The following BAZ2A variants were observed in gnomAD, a reference collection of about 807,000 sequenced individuals.
BAZ2A encodes the protein bromodomain adjacent to zinc finger domain 2A.
BAZ2A carries 34 observed loss-of-function variants against 199.9 expected under a neutral mutation model. The observed-to-expected ratio is 0.17, with a 90% confidence interval of 0.13 to 0.23. BAZ2A has a LOEUF of 0.23. Ranked by LOEUF, BAZ2A falls within the 10% of genes least tolerant of loss-of-function variation. BAZ2A has a pLI of 1.00. For synonymous variants in BAZ2A, 857 were observed against 883.9 expected, an observed-to-expected ratio of 0.97 and a Z score of 0.54; for missense variants, 2,002 against 2,391.1, an observed-to-expected ratio of 0.84 and a Z score of 3.39.
At position 56,595,840 on chromosome 12, in the gene BAZ2A, C is replaced by G. The variant is rs1220268310; in HGVS notation, c.*2778G>C. On this transcript the variant is annotated 3_prime_UTR_variant, in exon 29 of 29. Transcript: ENST00000549884. ...ACAGGAGCCCCTGTTGTTCCCTTGC[C>G]TGTGGTCTCTTAAGCCAGTCATACC... 1 of 152,140 alleles carries G rather than the reference C, an allele frequency of 6.6e-6. No individual in the cohort carries two copies. Among genetic ancestry groups the G allele is most frequent in the East Asian group, 1.9e-4 (1 of 5,174 alleles). The allele number at this position is 152,140 out of a possible 1,614,324, so 9.4% of individuals were successfully genotyped here.
chr12:56,616,196 T>C (rs1160694420), intron 2 of BAZ2A, among the ~76,000 whole-genome samples: 1 of 152,134 alleles, frequency 6.6e-6, no homozygotes, highest in Non-Finnish European at 1.5e-5. Flanking sequence ...CCACCACGCC[T>C]GGCCTTTTTT....
At chr12:56,604,332 A>G in intron 15 of BAZ2A, 41 bp from the exon 16 acceptor site, 1 of 1,567,640 alleles carries the variant, frequency 6.4e-7, no homozygotes, top group Non-Finnish European at 8.7e-7. Flanking sequence ...GCAGCACAAA[A>G]AAAGGGAAAG....
In BAZ2A at chr12:56,597,636, C is replaced by CAACACACACACACACACACA. The variant is rs1565800885; in HGVS notation, c.*981_*982insTGTGTGTGTGTGTGTGTGTT. 1 of 44,970 alleles carries CAACACACACACACACACACA rather than the reference C, an allele frequency of 2.2e-5. No homozygotes were observed. Among genetic ancestry groups the CAACACACACACACACACACA allele is most frequent in the African/African-American group, 1.5e-4 (1 of 6,508 alleles). The allele number at this position is 44,970 out of a possible 1,614,324, so 2.8% of individuals were successfully genotyped here. On this transcript the variant is annotated 3_prime_UTR_variant, in exon 29 of 29. Coordinates refer to ENST00000549884, the MANE Select transcript of BAZ2A (RefSeq NM_001300905.2). The stretch of plus-strand genomic sequence containing the variant: ...ACACACACACAGCGCGCTCTGAGGC[C>CAACACACACACACACACACA]GACACACACACACACACACACACAC...
chr12:56,610,404 A>C lies in BAZ2A; in HGVS notation c.1779+5T>G. 6.2e-7 allele frequency: 1 copy of C among 1,613,156 alleles called. No homozygotes were observed. The highest frequency in any genetic ancestry group is 8.5e-7 in the Non-Finnish European group (1 of 1,179,524). ...AAAGCAGTCCTTTAAAAAAAGCTAC[A>C]TTACCTTGATCACTTCTGGAAATTG... On this transcript the variant is annotated splice_donor_5th_base_variant and intron_variant, in intron 8 of 28. Coordinates refer to ENST00000549884, the MANE Select transcript of BAZ2A (RefSeq NM_001300905.2).
At chr12:56,636,224 C>A (rs1236669729) in exon 1 of BAZ2A, 1 of 1,585,684 alleles carries the variant, frequency 6.3e-7, no homozygotes, top group African/African-American at 1.3e-5. Context: ...CCACCCAGCT[C>A]CTCACTGTCC....
upstream of BAZ2A, chr12:56,635,040 C>A: frequency 1.0e-6 from 1 of 984,252 alleles, no homozygotes. The surrounding 1 kb of genome is among the most constrained non-coding windows in gnomAD (Gnocchi z 4.1). Context: ...AGCCCTGGGC[C>A]GGCGGCGGCG....
At position 56,600,040 on chromosome 12, in the gene BAZ2A, C is replaced by T. The variant is rs775826075; in HGVS notation, c.4949G>A (p.Arg1650Gln). The T allele has an allele frequency of 1.5e-5, 25 of 1,613,936 alleles. No individual in the cohort carries two copies. The highest frequency in any genetic ancestry group is 2.7e-5 in the African/African-American group (2 of 74,934). Residue 1650 changes from arginine to glutamine, a missense_variant, in exon 25 of 29, where the codon CGG becomes CAG. Coordinates refer to ENST00000549884, the MANE Select transcript of BAZ2A (RefSeq NM_001300905.2). ...RVWRQTLERC[R>Q]SAAQVCLCLG... The stretch of plus-strand genomic sequence containing the variant: ...GCACAAGCACACCTGGGCTGCGCTC[C>T]GGCACCGCTCGAGGGTCTGGCGCCA...
Position 56,602,720 on chromosome 12 carries a change from C to G in BAZ2A, c.3417G>C (p.Gly1139=). ...LAGIFVEGTE[G]NLVPEEVIKK... ...TCCCACAGGCACACCTACCTAAGTT[C>G]CCCTCTGTTCCTTCTACAAAGATAC... The change falls in exon 19 of 29, where the codon GGG becomes GGC. Residue 1139 remains glycine (G), a synonymous_variant. Transcript: ENST00000549884. The G allele has an allele frequency of 6.2e-7, 1 of 1,613,004 alleles. No individual in the cohort carries two copies. The highest frequency in any genetic ancestry group is 1.1e-5 in the South Asian group (1 of 91,032).
Position 56,613,228 on chromosome 12 carries a change from C to T in BAZ2A, c.922G>A (p.Val308Met). The change falls in exon 5 of 29, where the codon GTG (valine) becomes ATG (methionine). Residue 308 changes from valine (V) to methionine (M), a missense_variant. Physicochemically the swap from Val to Met is conservative, Grantham distance 21. Around this residue, in one of 6 missense-constraint regions of BAZ2A, gnomAD observed 641 missense variants for 694.5 expected, o/e 0.92. Coordinates refer to ENST00000549884, the MANE Select transcript of BAZ2A (RefSeq NM_001300905.2). ...TCAATACCATATAGTCCTCCACTCA[C>T]TGGCTCTGTTTACAAGGGTAGAAAA... ...EPFNSLAPEP[V>M]SGGLYGIDDT... The T allele has an allele frequency of 1.2e-6, 2 of 1,613,918 alleles. No individual in the cohort carries two copies. The highest frequency in any genetic ancestry group is 1.7e-6 in the Non-Finnish European group (2 of 1,179,808).
At chr12:56,610,630 A>C (rs1187647092) in intron 7 of BAZ2A, 113 bp from the exon 8 acceptor site, 2 of 876,230 alleles carry the variant, frequency 2.3e-6, no homozygotes, top group Admixed American at 2.4e-5. Context: ...GTATCTCTAG[A>C]ACTGCATGCA....
intron 7 of BAZ2A, among the ~76,000 whole-genome samples, chr12:56,610,951 T>G (rs1950540330): frequency 6.6e-6 from 1 of 151,942 alleles, no homozygotes; most frequent in African/African-American, 2.4e-5. Flanking sequence ...ATGCCAGGGT[T>G]TAGTTAGGAA....
At chr12:56,636,422 G>C (rs1951450474), upstream of BAZ2A, 1 of 1,345,610 alleles carries the variant, frequency 7.4e-7, no homozygotes, top group African/African-American at 1.5e-5. Context: ...TTCTCTGGGT[G>C]GAGAGAGGGA....
chr12:56,624,667 CAAGA>C (rs1427400245), intron 1 of BAZ2A, among the ~76,000 whole-genome samples: 2 of 147,196 alleles, frequency 1.4e-5, no homozygotes, highest in African/African-American at 5.0e-5. Context: ...ATAAAAATTT[CAAGA>C]GAGAAGAAAG....
At chr12:56,628,867 T>G (rs1015743601) in intron 1 of BAZ2A, among the ~76,000 whole-genome samples, 1 of 152,136 alleles carries the variant, frequency 6.6e-6, no homozygotes, top group Non-Finnish European at 1.5e-5. Context: ...ATCACTTACA[T>G]AGAGCGTACC....
chr12:56,608,867 C>CTTTTTTT (rs67765071), intron 10 of BAZ2A, among the ~76,000 whole-genome samples: 2 of 69,902 alleles, frequency 2.9e-5, no homozygotes, highest in Non-Finnish European at 4.9e-5. Context: ...CCGTGCCTGG[C>CTTTTTTT]TTTTTTTTTT....
At position 56,603,434 on chromosome 12, in the gene BAZ2A, T is replaced by C. The variant is rs1950243759; in HGVS notation, c.3220-16A>G. On this transcript the variant is annotated splice_polypyrimidine_tract_variant and intron_variant, in intron 17 of 28. Transcript: ENST00000549884. ...TGGCATCAACCTAGGGAGAAACACA[T>C]GGGCATTATGAAAAAGGAGGTTATC... 5.6e-6 allele frequency: 9 copies of C among 1,613,970 alleles called. No homozygotes were observed. Among genetic ancestry groups the C allele is most frequent in the Non-Finnish European group, 7.6e-6 (9 of 1,179,860 alleles).
chr12:56,600,457 C>A lies in BAZ2A; in HGVS notation c.4636G>T (p.Glu1546Ter), dbSNP rs1237983780. 1 of 1,613,752 alleles carries A rather than the reference C, an allele frequency of 6.2e-7. No homozygotes were observed. Among genetic ancestry groups the A allele is most frequent in the Admixed American group, 1.7e-5 (1 of 60,004 alleles). ...AGGTGCTCACAGTAGGCCAAGTCTT[C>A]ACGGGTAGAGTCTGGGCTAGGACAT... ...WTCPSPDSTREDLAYCEHLSD... is the reference protein window; with the variant it reads ...WTCPSPDSTR Residue 1546 changes from glutamate to a stop codon, truncating the protein, a stop_gained, in exon 24 of 29, where the codon GAA becomes TAA. Coordinates refer to ENST00000549884, the MANE Select transcript of BAZ2A (RefSeq NM_001300905.2). LOFTEE classifies it high-confidence loss of function.
At chr12:56,610,075 C>G in intron 9 of BAZ2A, 39 bp downstream of exon 9, 1 of 1,609,046 alleles carries the variant, frequency 6.2e-7, no homozygotes, top group Non-Finnish European at 8.5e-7. Context: ...ACCAACTCTT[C>G]CTCAGGGACA....
Position 56,601,641 on chromosome 12 carries a change from C to T in BAZ2A, c.3976G>A (p.Ala1326Thr), listed in dbSNP as rs752445419. ...DPQALWFNIS[A>T]QMPCNAAPTP... ...GGGGCAGCATTGCAGGGCATCTGGG[C>T]TGAGATGTTAAACCAGAGTGCTTGA... Residue 1326 changes from alanine to threonine, a missense_variant, in exon 20 of 29, where the codon GCC (alanine) becomes ACC (threonine). Transcript: ENST00000549884. 4 of 1,613,838 alleles carry T rather than the reference C, an allele frequency of 2.5e-6. No individual in the cohort carries two copies. In the African/African-American group the frequency reaches 5.3e-5, roughly 22 times the overall value.
Sources: gnomAD v4.1 joint callset for allele counts (sites outside exome capture counted in the v4.1 genomes callset) on GRCh38, gnomAD v4.1.1 for gene constraint, gnomAD v4.1.1 regional missense constraint, Gnocchi (gnomAD v3.1) non-coding constraint, MANE v1.5 for transcripts, NCBI Gene and HGNC (gene_info 2026-07-23, HGNC 2026-07-21) for gene names.